Variants in METTL15 observed in about 807,000 individuals in gnomAD.
The protein encoded by METTL15 is methyltransferase 15, mitochondrial 12S rRNA N4-cytidine.
In METTL15, 34 loss-of-function variants were observed where a neutral mutation model predicts 38.3. The observed-to-expected ratio is 0.89, with a 90% CI of 0.68 to 1.18. The LOEUF (loss-of-function observed/expected upper bound fraction) is 1.18, where lower values mean the gene tolerates loss of function less well. Among genes scored for constraint, METTL15 ranks in the 50% most tolerant of loss-of-function variants. The probability of loss-of-function intolerance (pLI) is 0.00; values close to 1 mark genes in which losing one functional copy is unlikely to be tolerated. For synonymous variants in METTL15, 162 were observed against 170.9 expected (o/e 0.95, Z 0.41); for missense variants, 438 against 498.4 (o/e 0.88, Z 1.15).
chr11:28,163,232 A>C (rs1217669181), intron 3 of METTL15: 1 of 395,240 alleles, frequency 2.5e-6, no homozygotes, highest in East Asian at 3.6e-5. Flanking sequence ...AGAAATATTC[A>C]TGTGGGTGTT....
At chr11:28,334,498 G>T (rs774818895), downstream of METTL15, among the ~76,000 whole-genome samples, 35 of 152,130 alleles carry the variant, frequency 2.3e-4, 2 homozygotes, top group South Asian at 2.7e-3. Flanking sequence ...AACATAAAGA[G>T]AATTTTGTGA....
chr11:28,109,120 T>C (rs180809030), intron 1 of METTL15, among the ~76,000 whole-genome samples: 1 of 152,344 alleles, frequency 6.6e-6, no homozygotes, highest in Admixed American at 6.5e-5. Context: ...CTCATACCCA[T>C]GCAGAGTATT....
intron 6 of METTL15, among the ~76,000 whole-genome samples, chr11:28,517,750 C>G (rs1423096753): frequency 6.6e-6 from 1 of 152,182 alleles, no homozygotes; most frequent in Non-Finnish European, 1.5e-5. Flanking sequence ...ACAAAACAGC[C>G]CGCCACGGTT....
At chr11:28,447,818 T>A (rs10835338) in intron 6 of METTL15, among the ~76,000 whole-genome samples, 61,601 of 152,040 alleles carry the variant, frequency 0.41, 14,301 homozygotes, top group Admixed American at 0.52. Flanking sequence ...AGGATGGCCA[T>A]ATCAGTTTCT....
chr11:28,279,666 C>T (rs190405673), intron 4 of METTL15, among the ~76,000 whole-genome samples: 327 of 152,074 alleles, frequency 2.2e-3, no homozygotes, highest in African/African-American at 6.7e-3. Flanking sequence ...TTTGGGAGGC[C>T]GAGGCAGGTG....
At position 28,160,547 on chromosome 11, in the gene METTL15, A is replaced by T. The variant is rs562371914; in HGVS notation, c.270+46943A>T. On this transcript the variant is annotated intron_variant, in intron 3 of 6. Transcript: ENST00000407364. ...AATACAAGTTCATGGTTAAATATCG[A>T]TCTGCTGAGTTTATTTTTTGTGTGA... 7.9e-5 allele frequency among the ~76,000 whole-genome samples: 12 copies of T among 152,172 alleles called. No individual in the cohort carries two copies. In the South Asian group the frequency reaches 1.0e-3, roughly 13 times the overall value.
chr11:28,481,806 G>A (rs1851397568), intron 6 of METTL15, among the ~76,000 whole-genome samples: 1 of 152,118 alleles, frequency 6.6e-6, no homozygotes, highest in African/African-American at 2.4e-5. Context: ...AGCCCGCTGG[G>A]CTCAAATACC....
At chr11:28,289,053 G>A (rs1163327728) in intron 4 of METTL15, among the ~76,000 whole-genome samples, 2 of 152,136 alleles carry the variant, frequency 1.3e-5, no homozygotes, top group Non-Finnish European at 2.9e-5. Flanking sequence ...TGACTTGTGA[G>A]TTGCCTTTCA....
rs559881516 is a variant in METTL15, at chr11:28,280,494, A to G, written c.408-9712A>G. ...GTTTTGCATTTTTGCTTTTGTATCT[A>G]TGTTTATCTTCTTTGTAGTTTATTG... On this transcript the variant is annotated intron_variant, in intron 4 of 6. Transcript: ENST00000407364. Among the ~76,000 whole-genome samples the G allele has an allele frequency of 4.0e-5, 6 of 151,804 alleles. No individual in the cohort carries two copies. The East Asian group carries it at 7.7e-4, about 20-fold the overall frequency.
At chr11:28,370,675 G>C (rs935169258) in intron 5 of METTL15, among the ~76,000 whole-genome samples, 1 of 151,890 alleles carries the variant, frequency 6.6e-6, no homozygotes, top group East Asian at 1.9e-4. Flanking sequence ...CTCACCAATG[G>C]TGTACTAGGG....
chr11:28,419,969 T>C (rs186240036), intron 5 of METTL15, among the ~76,000 whole-genome samples: 3 of 151,494 alleles, frequency 2.0e-5, no homozygotes, highest in Admixed American at 6.6e-5. Flanking sequence ...AAATACACAG[T>C]CAGAAGAGAC....
chr11:28,205,683 C>T (rs1852306261), intron 3 of METTL15, among the ~76,000 whole-genome samples: 1 of 151,708 alleles, frequency 6.6e-6, no homozygotes, highest in Admixed American at 6.6e-5. Context: ...AATCGCCACA[C>T]TGACTTCCAC....
rs1725736281 is a variant in METTL15, at chr11:28,252,869, A to T, written c.408-37337A>T. 2.0e-5 allele frequency among the ~76,000 whole-genome samples: 3 copies of T among 152,044 alleles called. No homozygotes were observed. In the South Asian group the frequency reaches 6.2e-4, roughly 31 times the overall value. ...TCCACTCCTGCAATCACTCCAATTG[A>T]GTTTTCATCCTCACTACTTTACTGA... On this transcript the variant is annotated intron_variant, in intron 4 of 6. Transcript: ENST00000407364.
At chr11:28,403,682 C>G (rs1051356515) in intron 5 of METTL15, among the ~76,000 whole-genome samples, 2 of 152,056 alleles carry the variant, frequency 1.3e-5, no homozygotes, top group African/African-American at 4.8e-5. Flanking sequence ...TAGATACTCT[C>G]ATGACACAAG....
At chr11:28,512,362 G>A (rs1671313718) in intron 6 of METTL15, among the ~76,000 whole-genome samples, 1 of 152,212 alleles carries the variant, frequency 6.6e-6, no homozygotes, top group South Asian at 2.1e-4. Context: ...TGGTTGATGG[G>A]ACTGGGCACC....
chr11:28,316,818 A>G (rs1424106202), intron 6 of METTL15, among the ~76,000 whole-genome samples: 5 of 152,110 alleles, frequency 3.3e-5, no homozygotes, highest in African/African-American at 1.2e-4. Flanking sequence ...ACGAGCTCTC[A>G]TTTTGCCTGC....
intron 3 of METTL15, among the ~76,000 whole-genome samples, chr11:28,176,369 T>C (rs1851075032): frequency 6.6e-6 from 1 of 152,152 alleles, no homozygotes; most frequent in African/African-American, 2.4e-5. Flanking sequence ...TCTTTTTCTC[T>C]AATGCAGTCA....
intron 4 of METTL15, among the ~76,000 whole-genome samples, chr11:28,250,523 ATGTC>A: frequency 6.6e-6 from 1 of 151,668 alleles, no homozygotes; most frequent in East Asian, 1.9e-4. Flanking sequence ...CTTTTGAAAA[ATGTC>A]TGTTCATGTA....
intron 4 of METTL15, chr11:28,287,577 C>A: frequency 3.6e-6 from 1 of 278,024 alleles, no homozygotes; most frequent in Non-Finnish European, 7.0e-6. Context: ...CTCTTTCTGG[C>A]ATTGTTGATG....
Sources: gnomAD v4.1 joint callset for allele counts (sites outside exome capture counted in the v4.1 genomes callset) on GRCh38, gnomAD v4.1.1 for gene constraint, MANE v1.5 for transcripts, NCBI Gene and HGNC (gene_info 2026-07-23, HGNC 2026-07-21) for gene names.